Variants in FZR1 observed in about 807,000 individuals in gnomAD.
The protein encoded by FZR1 is fizzy and cell division cycle 20 related 1, also known as fizzy-related protein homolog.
In FZR1, 11 loss-of-function variants were observed where a neutral mutation model predicts 63.6. The ratio of observed to expected loss-of-function variants is 0.17; its 90% CI spans 0.11 to 0.29. The LOEUF (loss-of-function observed/expected upper bound fraction) is 0.29, where lower values mean the gene tolerates loss of function less well. Among genes scored for constraint, FZR1 ranks in the 10% least tolerant of loss-of-function variants. The probability of loss-of-function intolerance (pLI) is 1.00; values close to 1 mark genes in which losing one functional copy is unlikely to be tolerated. For synonymous variants in FZR1, 328 were observed against 297.9 expected, an observed-to-expected ratio of 1.10 and a Z score of -1.04; for missense variants, 440 against 687.5, an observed-to-expected ratio of 0.64 and a Z score of 4.03.
chr19:3,526,905 G>A lies in FZR1; in HGVS notation c.388-75G>A. On this transcript the variant is annotated intron_variant, in intron 5 of 13. Coordinates refer to ENST00000441788, the MANE Select transcript of FZR1 (RefSeq NM_016263.4). This position sits in a 1 kb window ranked among gnomAD's most constrained non-coding sequence, Gnocchi z 5.4. ...CTTAGGGCTATGAGCTGTACCGGGA[G>A]CGTGGGCTGCTGGGGGGCTCTGAGG... is the stretch of plus-strand genomic sequence containing the variant. The A allele has an allele frequency of 1.0e-6, 1 of 1,000,130 alleles. No homozygotes were observed. The highest frequency in any genetic ancestry group is 1.3e-5 in the South Asian group (1 of 77,130). 62.0% of individuals were successfully genotyped at this position (1,000,130 alleles called of 1,614,324 possible). A position where few individuals can be genotyped will look rare whatever the true frequency, so the allele number is the denominator to read the frequency against.
chr19:3,508,944 C>T (rs1423205395), intron 1 of FZR1, among the ~76,000 whole-genome samples: 2 of 152,352 alleles, frequency 1.3e-5, no homozygotes, highest in East Asian at 1.9e-4. Flanking sequence ...CTGCTCAGTG[C>T]CCTGGGCTGT....
intron 1 of FZR1, among the ~76,000 whole-genome samples, chr19:3,520,994 G>C (rs956614371): frequency 6.6e-6 from 1 of 152,226 alleles, no homozygotes; most frequent in African/African-American, 2.4e-5. Flanking sequence ...TCTCTCACAG[G>C]GTGCAACGTC....
intron 1 of FZR1, chr19:3,521,414 G>A (rs2083100319): frequency 6.6e-6 from 1 of 152,178 alleles, no homozygotes. Context: ...TGGCGACAGA[G>A]TTTCAGTTTG....
In FZR1 at chr19:3,515,099, C is replaced by A. The variant is rs1235895888; in HGVS notation, c.-34-7857C>A. On this transcript the variant is annotated intron_variant, in intron 1 of 13. Coordinates refer to ENST00000441788, the MANE Select transcript of FZR1 (RefSeq NM_016263.4). The surrounding 1 kb of genome is among the most constrained non-coding windows in gnomAD (Gnocchi z 4.6). ...GCAACCAAGCTGCAGGTGTCGGCCA[C>A]ACAGGCAGAGCCACAGCAGCATCCC... Among the ~76,000 whole-genome samples the A allele has an allele frequency of 6.6e-6, 1 of 152,200 alleles. No homozygotes were observed. Among genetic ancestry groups the A allele is most frequent in the African/African-American group, 2.4e-5 (1 of 41,462 alleles).
rs779254715 is a variant in FZR1, at chr19:3,532,412, C to T, written c.1009-5C>T. 1 of 1,588,450 alleles carries T rather than the reference C, an allele frequency of 6.3e-7. No individual in the cohort carries two copies. The highest frequency in any genetic ancestry group is 8.6e-7 in the Non-Finnish European group (1 of 1,165,668). On this transcript the variant is annotated splice_polypyrimidine_tract_variant and splice_region_variant and intron_variant, in intron 10 of 13. Coordinates refer to ENST00000441788, the MANE Select transcript of FZR1 (RefSeq NM_016263.4). ...AGCCCCGGCCTCACAGCCCCTGTCC[C>T]CCAGCTGCTGGTCTGGAATCACTCG...
chr19:3,521,106 G>C (rs1599778658), intron 1 of FZR1: 1 of 152,478 alleles, frequency 6.6e-6, no homozygotes, highest in East Asian at 1.9e-4. Context: ...TCCCTCACCT[G>C]TTGATGCGTA....
intron 1 of FZR1, among the ~76,000 whole-genome samples, chr19:3,520,028 G>A (rs759817021): frequency 6.6e-6 from 1 of 152,264 alleles, no homozygotes; most frequent in Non-Finnish European, 1.5e-5. Flanking sequence ...GTCCCGGGGG[G>A]CCCCACACCC....
intron 1 of FZR1, among the ~76,000 whole-genome samples, chr19:3,521,028 C>T (rs2083096776): frequency 6.6e-6 from 1 of 152,236 alleles, no homozygotes; most frequent in African/African-American, 2.4e-5. Context: ...CGCGCTGTGG[C>T]CTGGGTAGAG....
rs1385824139 is a variant in FZR1, at chr19:3,526,916, TG to T, written c.388-58del. On this transcript the variant is annotated intron_variant, in intron 5 of 13. Coordinates refer to ENST00000441788, the MANE Select transcript of FZR1 (RefSeq NM_016263.4). The surrounding 1 kb of genome is among the most constrained non-coding windows in gnomAD (Gnocchi z 5.4). The stretch of plus-strand genomic sequence containing the variant: ...GAGCTGTACCGGGAGCGTGGGCTGC[TG>T]GGGGGCTCTGAGGGTCCTGCGGCCT... 6.2e-6 allele frequency: 7 copies of T among 1,137,186 alleles called. No homozygotes were observed. Among genetic ancestry groups the T allele is most frequent in the Non-Finnish European group, 9.3e-6 (7 of 755,408 alleles). 70.4% of individuals were successfully genotyped at this position (1,137,186 alleles called of 1,614,324 possible).
rs1418686290 is a variant in FZR1 at position 3,532,473 on chromosome 19, G to A, written c.1065G>A (p.Leu355=). The A allele has an allele frequency of 1.2e-6, 2 of 1,603,060 alleles. No individual in the cohort carries two copies. Among genetic ancestry groups the A allele is most frequent in the African/African-American group, 2.7e-5 (2 of 74,656 alleles). Residue 355 remains leucine, a synonymous_variant, in exon 11 of 14, where the codon CTG becomes CTA. Coordinates refer to ENST00000441788, the MANE Select transcript of FZR1 (RefSeq NM_016263.4). ...LSPVQQYTEH[L]AAVKAIAWSP... ...CCGTGCAGCAGTACACGGAGCACCTGGCGGCCGTGAAGGCCATCGCCTGGT... is the reference window on the plus strand; with the variant it reads ...CCGTGCAGCAGTACACGGAGCACCTAGCGGCCGTGAAGGCCATCGCCTGGT...
intron 1 of FZR1, among the ~76,000 whole-genome samples, chr19:3,509,521 G>A (rs765531945): frequency 4.5e-4 from 68 of 152,156 alleles, no homozygotes; most frequent in Non-Finnish European, 9.1e-4. Flanking sequence ...GCTTTAGAGC[G>A]TGCAGTTCCC....
intron 7 of FZR1, 43 bp from the exon 8 acceptor site, chr19:3,530,749 C>T (rs1360444127): frequency 6.6e-7 from 1 of 1,517,714 alleles, no homozygotes. Flanking sequence ...TAGACTGGGG[C>T]TTCGAGACCA....
At chr19:3,522,008 C>G (rs2083107012) in intron 1 of FZR1, among the ~76,000 whole-genome samples, 1 of 152,170 alleles carries the variant, frequency 6.6e-6, no homozygotes, top group African/African-American at 2.4e-5. Flanking sequence ...AGGTGCGCGC[C>G]ACCACACTTG....
chr19:3,517,506 A>G (rs976355803), intron 1 of FZR1, among the ~76,000 whole-genome samples: 5 of 151,962 alleles, frequency 3.3e-5, no homozygotes, highest in African/African-American at 4.8e-5. Context: ...GACCAACATG[A>G]TGAAACCCCC....
Position 3,535,665 on chromosome 19 carries a change from T to G in FZR1, c.*829T>G, listed in dbSNP as rs754295982. ...ACAACAGATGCCACGTCTTCGTGCA[T>G]TCGCCAACACGTGCCCTCACAGGGC... On this transcript the variant is annotated 3_prime_UTR_variant, in exon 14 of 14. Coordinates refer to ENST00000441788, the MANE Select transcript of FZR1 (RefSeq NM_016263.4). The G allele has an allele frequency of 2.6e-5, 4 of 152,394 alleles. No individual in the cohort carries two copies. Among genetic ancestry groups the G allele is most frequent in the Non-Finnish European group, 5.9e-5 (4 of 68,144 alleles). 9.4% of individuals were successfully genotyped at this position (152,394 alleles called of 1,614,324 possible).
intron 1 of FZR1, among the ~76,000 whole-genome samples, chr19:3,522,621 G>T (rs1312468618): frequency 3.3e-5 from 5 of 152,190 alleles, no homozygotes; most frequent in Non-Finnish European, 5.9e-5. Context: ...GGACATGGAG[G>T]CTGCCCACGC....
rs558678920 is a variant in FZR1 at position 3,514,837 on chromosome 19, T to C, written c.-34-8119T>C. The stretch of plus-strand genomic sequence containing the variant: ...CCCTGTCACTGTTTTGTCAGGTGAC[T>C]GGGTCATGCCCATTTCCCAGGGGAA... On this transcript the variant is annotated intron_variant, in intron 1 of 13. Coordinates refer to ENST00000441788, the MANE Select transcript of FZR1 (RefSeq NM_016263.4). The surrounding 1 kb of genome is among the most constrained non-coding windows in gnomAD (Gnocchi z 4.2). Among the ~76,000 whole-genome samples, 6 of 152,324 alleles carry C rather than the reference T, an allele frequency of 3.9e-5. No individual in the cohort carries two copies. In the South Asian group the frequency reaches 1.0e-3, roughly 26 times the overall value.
chr19:3,512,570 G>C (rs982877979), intron 1 of FZR1, among the ~76,000 whole-genome samples: 8 of 152,218 alleles, frequency 5.3e-5, no homozygotes, highest in Non-Finnish European at 1.0e-4. Flanking sequence ...TTTCATGGGA[G>C]GGCACAAGGA....
chr19:3,525,761 A>G lies in FZR1; in HGVS notation c.70-107A>G, dbSNP rs980846949. On this transcript the variant is annotated intron_variant, in intron 2 of 13. Transcript: ENST00000441788. This position sits in a 1 kb window ranked among gnomAD's most constrained non-coding sequence, Gnocchi z 4.2. ...CTGGCCCACCCCTTGGGTTTTCAAG[A>G]TCAAAGCCCCCTTTGCTCAGTGGCC... The G allele has an allele frequency of 2.3e-5, 32 of 1,396,440 alleles. No individual in the cohort carries two copies. In the African/African-American group the frequency reaches 4.0e-4, roughly 18 times the overall value. 86.5% of individuals were successfully genotyped at this position (1,396,440 alleles called of 1,614,324 possible).
Sources: gnomAD v4.1 joint callset for allele counts (sites outside exome capture counted in the v4.1 genomes callset) on GRCh38, gnomAD v4.1.1 for gene constraint, Gnocchi (gnomAD v3.1) non-coding constraint, MANE v1.5 for transcripts, NCBI Gene and HGNC (gene_info 2026-07-23, HGNC 2026-07-21) for gene names.